The following ANKS1A variants were observed in gnomAD, a reference collection of about 807,000 sequenced individuals.
ANKS1A encodes the protein ankyrin repeat and sterile alpha motif domain containing 1A, also known as ankyrin repeat and SAM domain-containing protein 1A.
A neutral mutation model predicts 120.3 loss-of-function variants in ANKS1A; 55 were observed. That is an observed-to-expected ratio of 0.46 (90% CI 0.37 to 0.57). The LOEUF (loss-of-function observed/expected upper bound fraction) is 0.57. Ranked by LOEUF, ANKS1A falls within the 20% of genes least tolerant of loss-of-function variation. The pLI, the probability that ANKS1A is intolerant of heterozygous loss-of-function variation, is 0.00. For missense variants in ANKS1A, 1,123 were observed against 1,480.3 expected (o/e 0.76, Z 3.96); for synonymous variants, 590 against 604.7 (o/e 0.98, Z 0.36).
At chr6:35,046,363 C>T (rs952298745) in intron 11 of ANKS1A, among the ~76,000 whole-genome samples, 2 of 152,196 alleles carry the variant, frequency 1.3e-5, no homozygotes, top group Admixed American at 1.3e-4. Flanking sequence ...TTTCCTTCGC[C>T]TCTCGGGCAT....
At chr6:34,968,275 A>G (rs970915946) in intron 2 of ANKS1A, among the ~76,000 whole-genome samples, 2 of 152,200 alleles carry the variant, frequency 1.3e-5, no homozygotes, top group South Asian at 2.1e-4. Flanking sequence ...GTGATTGGGC[A>G]CTGCCTTTCA....
Position 35,089,853 on chromosome 6 carries a change from G to A in ANKS1A, c.*1244G>A, listed in dbSNP as rs532398798. ...CTCAGCTGTGTGCCCAGTTCCTCCT[G>A]TGGGCACTTTAGCAGGCTCCGAGCT... On this transcript the variant is annotated 3_prime_UTR_variant, in exon 24 of 24. Transcript: ENST00000360359. 4 of 1,075,206 alleles carry A rather than the reference G, an allele frequency of 3.7e-6. No homozygotes were observed. Among genetic ancestry groups the A allele is most frequent in the Non-Finnish European group, 3.4e-6 (3 of 883,334 alleles). 66.6% of individuals were successfully genotyped at this position (1,075,206 alleles called of 1,614,324 possible). A position where few individuals can be genotyped will look rare whatever the true frequency, so the allele number is the denominator to read the frequency against.
intron 1 of ANKS1A, among the ~76,000 whole-genome samples, chr6:34,922,526 A>G (rs1054435631): frequency 6.6e-6 from 1 of 152,098 alleles, no homozygotes; most frequent in African/African-American, 2.4e-5. Flanking sequence ...CAGAGGTCAT[A>G]TCTGTCTTTG....
chr6:34,954,976 A>G (rs1019010863), intron 1 of ANKS1A, among the ~76,000 whole-genome samples: 7 of 152,128 alleles, frequency 4.6e-5, no homozygotes, highest in Non-Finnish European at 1.5e-5. Context: ...CTTCAAGTAT[A>G]TCACAGCTTT....
Position 34,983,176 on chromosome 6 carries a change from C to G in ANKS1A, c.872C>G (p.Pro291Arg). 2.5e-6 allele frequency: 4 copies of G among 1,614,176 alleles called. No individual in the cohort carries two copies. Among genetic ancestry groups the G allele is most frequent in the Non-Finnish European group, 3.4e-6 (4 of 1,180,038 alleles). The change falls in exon 6 of 24, where the codon CCT (proline) becomes CGT (arginine). Residue 291 changes from proline to arginine, a missense_variant. By Grantham distance (103) the Pro-to-Arg change is moderately radical. Around this residue, in one of 3 missense-constraint regions of ANKS1A, gnomAD observed 904 missense variants for 1,130.4 expected, o/e 0.80. Transcript: ENST00000360359. ...GCCCTAGACACTGTTCGGGAACTGC[C>G]TTCTCAAAAGAGCCAGCAAATAGCA... ...LTALDTVREL[P>R]SQKSQQIAAL...
Position 35,083,325 on chromosome 6 carries a change from G to T in ANKS1A, c.2908-92G>T, listed in dbSNP as rs750509025. On this transcript the variant is annotated intron_variant, in intron 19 of 23. Coordinates refer to ENST00000360359, the MANE Select transcript of ANKS1A (RefSeq NM_015245.3). ...AGTTGCCTGGGCCCTGCTGCACTATGTAAGGATGGGAAGGAAGCTGGGACC... is the reference window on the plus strand; with the variant it reads ...AGTTGCCTGGGCCCTGCTGCACTATTTAAGGATGGGAAGGAAGCTGGGACC... The T allele has an allele frequency of 6.3e-6, 10 of 1,596,750 alleles. No individual in the cohort carries two copies. In the African/African-American group the frequency reaches 1.2e-4, roughly 19 times the overall value.
At chr6:35,083,550 C>G in intron 20 of ANKS1A, 47 bp downstream of exon 20, 1 of 1,583,296 alleles carries the variant, frequency 6.3e-7, no homozygotes, top group Non-Finnish European at 8.7e-7. Context: ...CCCACATCCC[C>G]GTCAGACCCA....
At chr6:34,912,025 A>C (rs1767930471) in intron 1 of ANKS1A, among the ~76,000 whole-genome samples, 1 of 152,180 alleles carries the variant, frequency 6.6e-6, no homozygotes, top group Admixed American at 6.5e-5. Flanking sequence ...AGGGATGTTT[A>C]TTTCAGCGTT....
At chr6:34,969,967 A>C in intron 2 of ANKS1A, 43 bp from the exon 3 acceptor site, 1 of 1,599,070 alleles carries the variant, frequency 6.3e-7, no homozygotes, top group Non-Finnish European at 8.5e-7. Context: ...AGCTGGAAAG[A>C]CTTCTGAGTT....
intron 3 of ANKS1A, among the ~76,000 whole-genome samples, chr6:34,978,432 A>G (rs928390677): frequency 1.3e-5 from 2 of 152,208 alleles, no homozygotes; most frequent in South Asian, 4.1e-4. Context: ...ACAGGGAAAC[A>G]TTCCAGATGA....
chr6:35,020,639 A>C (rs2127561023), intron 11 of ANKS1A, among the ~76,000 whole-genome samples: 1 of 152,342 alleles, frequency 6.6e-6, no homozygotes, highest in East Asian at 1.9e-4. Context: ...TCCTGTTAAC[A>C]TGCAGCATTT....
intron 11 of ANKS1A, among the ~76,000 whole-genome samples, chr6:35,053,609 G>A (rs1326522921): frequency 1.3e-5 from 2 of 152,196 alleles, no homozygotes; most frequent in Admixed American, 1.3e-4. Context: ...AGAGCTTGTG[G>A]TCATACAGTA....
chr6:34,889,881 T>C lies in ANKS1A; in HGVS notation c.197+282T>C, dbSNP rs1159224388. Among the ~76,000 whole-genome samples, 1 of 152,150 alleles carries C rather than the reference T, an allele frequency of 6.6e-6. No individual in the cohort carries two copies. Among genetic ancestry groups the C allele is most frequent in the Non-Finnish European group, 1.5e-5 (1 of 68,012 alleles). On this transcript the variant is annotated intron_variant, in intron 1 of 23. Transcript: ENST00000360359. The surrounding 1 kb of genome is among the most constrained non-coding windows in gnomAD (Gnocchi z 5.5). ...CGCATGGCACAGCCAGGGTTCACTC[T>C]CGCTCGCTACAGGGTGCCAGCTATC...
intron 10 of ANKS1A, among the ~76,000 whole-genome samples, chr6:34,997,219 CAG>C (rs1435680345): frequency 8.3e-6 from 1 of 120,268 alleles, no homozygotes; most frequent in Non-Finnish European, 1.7e-5. Context: ...TTTTTTGAGA[CAG>C]AGTCTTGCTC....
intron 3 of ANKS1A, among the ~76,000 whole-genome samples, chr6:34,978,023 A>G (rs565910634): frequency 6.6e-5 from 10 of 151,966 alleles, no homozygotes; most frequent in African/African-American, 1.7e-4. Flanking sequence ...CAGTGGTGCA[A>G]TCTTGGCTCA....
At chr6:34,940,545 A>G (rs566992833) in intron 1 of ANKS1A, among the ~76,000 whole-genome samples, 91 of 152,336 alleles carry the variant, frequency 6.0e-4, no homozygotes, top group African/African-American at 2.0e-3. Context: ...TATCTTTTCT[A>G]TATGTTGGAT....
intron 10 of ANKS1A, among the ~76,000 whole-genome samples, chr6:35,003,403 C>G (rs993861947): frequency 2.6e-5 from 4 of 152,246 alleles, no homozygotes; most frequent in Middle Eastern, 3.4e-3. Flanking sequence ...TTGCTAGCAG[C>G]TGAAAGAGAG....
rs77695531 is a variant in ANKS1A, at chr6:35,067,886, A to T, written c.2184+7633A>T. On this transcript the variant is annotated intron_variant, in intron 13 of 23. Transcript: ENST00000360359. ...CATTTTTCTTTGTACTTCATTTTCA[A>T]TTTTTTTTTTTTTTTTTTTTTGAGA... Among the ~76,000 whole-genome samples the T allele has an allele frequency of 4.1e-3, 436 of 106,884 alleles. 13 individuals are homozygous for T. Among genetic ancestry groups the T allele is most frequent in the African/African-American group, 4.1e-3 (104 of 25,670 alleles). 70.1% of individuals were successfully genotyped at this position (106,884 alleles called of 152,430 possible). A position where few individuals can be genotyped will look rare whatever the true frequency, so the allele number is the denominator to read the frequency against.
chr6:34,970,857 A>G (rs1771148729), intron 3 of ANKS1A, among the ~76,000 whole-genome samples: 1 of 152,050 alleles, frequency 6.6e-6, no homozygotes, highest in Non-Finnish European at 1.5e-5. Flanking sequence ...AATTAAAAAA[A>G]AAAAGGCCGG....
Sources: gnomAD v4.1 joint callset for allele counts (sites outside exome capture counted in the v4.1 genomes callset) on GRCh38, gnomAD v4.1.1 for gene constraint, gnomAD v4.1.1 regional missense constraint, Gnocchi (gnomAD v3.1) non-coding constraint, MANE v1.5 for transcripts, NCBI Gene and HGNC (gene_info 2026-07-23, HGNC 2026-07-21) for gene names.